CCDC192: variants seen among roughly 807,000 people sequenced by gnomAD.
CCDC192 encodes the protein coiled-coil domain-containing protein 192.
rs555147251 is a variant in CCDC192, at chr5:127,749,994, T to G, written c.115-4274T>G. Among the ~76,000 whole-genome samples, 49 of 152,012 alleles carry G rather than the reference T, an allele frequency of 3.2e-4. 1 individual carries two copies. The South Asian group carries it at 5.2e-3, about 16-fold the overall frequency. On this transcript the variant is annotated intron_variant, in intron 2 of 6. Transcript: ENST00000514853. ...TCATTTTTTATTGTGTCTATTTGATTCTTCTCTCTTTTTTTCTTTATTAGT... is the reference window on the plus strand; with the variant it reads ...TCATTTTTTATTGTGTCTATTTGATGCTTCTCTCTTTTTTTCTTTATTAGT...
In CCDC192 at chr5:127,854,410, A is replaced by G. The variant is rs139777876; in HGVS notation, c.412-21128A>G. On this transcript the variant is annotated intron_variant, in intron 5 of 6. Transcript: ENST00000514853. ...ATAAGATAATTTTGAGAGAGTCCAC[A>G]GTCACATAATTTTTATTACAATATA... Among the ~76,000 whole-genome samples the G allele has an allele frequency of 3.2e-3, 489 of 152,302 alleles. 2 individuals carry two copies. The highest frequency in any genetic ancestry group is 0.011 in the African/African-American group (459 of 41,566).
chr5:127,850,880 C>T (rs961959519), intron 5 of CCDC192, among the ~76,000 whole-genome samples: 1 of 152,174 alleles, frequency 6.6e-6, no homozygotes, highest in African/African-American at 2.4e-5. Flanking sequence ...GCAGAAGAAT[C>T]GCTTGAACCC....
chr5:127,795,289 CAAA>C (rs762627670), intron 3 of CCDC192, among the ~76,000 whole-genome samples: 323 of 76,578 alleles, frequency 4.2e-3, no homozygotes, highest in Middle Eastern at 6.8e-3. Flanking sequence ...GACTCTATCT[CAAA>C]AAAAAAAAAA....
At chr5:127,752,656 G>A (rs1409377170) in intron 2 of CCDC192, among the ~76,000 whole-genome samples, 3 of 152,138 alleles carry the variant, frequency 2.0e-5, no homozygotes, top group East Asian at 1.9e-4. Context: ...TAGAGCTTCC[G>A]GGCTGCTTTG....
rs116460179 is a variant in CCDC192 at position 127,778,172 on chromosome 5, A to G, written c.223-18931A>G. Among the ~76,000 whole-genome samples, 194 of 152,314 alleles carry G rather than the reference A, an allele frequency of 1.3e-3. 1 individual carries two copies. The highest frequency in any genetic ancestry group is 4.4e-3 in the African/African-American group (185 of 41,574). Reference sequence around the variant, plus strand: ...GTACAAGGTTGAGTAACAGTGGTGAAAGTAGACATCCTTGTCTTGTTCCTG... The same window carrying G: ...GTACAAGGTTGAGTAACAGTGGTGAGAGTAGACATCCTTGTCTTGTTCCTG... On this transcript the variant is annotated intron_variant, in intron 3 of 6. Transcript: ENST00000514853.
intron 2 of CCDC192, among the ~76,000 whole-genome samples, chr5:127,747,079 T>A (rs1043745896): frequency 6.6e-5 from 10 of 151,622 alleles, no homozygotes; most frequent in Non-Finnish European, 1.5e-4. Context: ...CTTTTTTTTT[T>A]TTATTTCTTG....
intron 6 of CCDC192, among the ~76,000 whole-genome samples, chr5:127,932,930 A>C (rs1168130351): frequency 2.0e-5 from 3 of 152,210 alleles, no homozygotes; most frequent in Non-Finnish European, 4.4e-5. Context: ...TAAGATGGCC[A>C]GGGAAGGCTT....
At chr5:127,832,335 G>A (rs990343695) in intron 5 of CCDC192, among the ~76,000 whole-genome samples, 1 of 152,138 alleles carries the variant, frequency 6.6e-6, no homozygotes, top group African/African-American at 2.4e-5. Context: ...AGGCAAACTC[G>A]GATTCGGATG....
At chr5:127,737,295 T>C (rs372116472) in intron 2 of CCDC192, among the ~76,000 whole-genome samples, 1 of 152,058 alleles carries the variant, frequency 6.6e-6, no homozygotes, top group African/African-American at 2.4e-5. Context: ...GTCTGAGAGA[T>C]AGTTTGTTAT....
chr5:127,878,629 CTTGG>C (rs1477471277), intron 6 of CCDC192, among the ~76,000 whole-genome samples: 1 of 152,212 alleles, frequency 6.6e-6, no homozygotes, highest in Non-Finnish European at 1.5e-5. Context: ...GCACTCCAGT[CTTGG>C]TGAAAGAGCA....
At chr5:127,901,568 C>T (rs1753037703) in intron 6 of CCDC192, among the ~76,000 whole-genome samples, 1 of 152,110 alleles carries the variant, frequency 6.6e-6, no homozygotes, top group Non-Finnish European at 1.5e-5. Flanking sequence ...TTAATTAAAT[C>T]ATCCCTGAGG....
chr5:127,920,407 CTTT>C (rs11388727), intron 6 of CCDC192, among the ~76,000 whole-genome samples: 1 of 115,796 alleles, frequency 8.6e-6, no homozygotes, highest in Non-Finnish European at 1.8e-5. Context: ...ACTGAAGAGG[CTTT>C]TTTTTTTTTT....
intron 2 of CCDC192, among the ~76,000 whole-genome samples, chr5:127,717,164 A>T (rs977437679): frequency 6.6e-6 from 1 of 152,174 alleles, no homozygotes; most frequent in Non-Finnish European, 1.5e-5. Context: ...CTGCTTGCAA[A>T]CTTCAGGGAA....
chr5:127,784,283 T>G (rs569270123), intron 3 of CCDC192, among the ~76,000 whole-genome samples: 2 of 152,348 alleles, frequency 1.3e-5, no homozygotes, highest in Non-Finnish European at 2.9e-5. Flanking sequence ...GCTGCCAATA[T>G]GACAAGTGCT....
chr5:127,827,884 A>G (rs1204634405), intron 5 of CCDC192, among the ~76,000 whole-genome samples: 1 of 152,064 alleles, frequency 6.6e-6, no homozygotes, highest in African/African-American at 2.4e-5. Context: ...AAGGTCAGCA[A>G]TTTCCTACCC....
At chr5:127,838,839 G>C (rs1399788690) in intron 5 of CCDC192, among the ~76,000 whole-genome samples, 1 of 152,186 alleles carries the variant, frequency 6.6e-6, no homozygotes, top group African/African-American at 2.4e-5. Context: ...TGTGTAGTCT[G>C]TACTTCAGTG....
At chr5:127,915,664 A>C (rs987346641) in intron 6 of CCDC192, among the ~76,000 whole-genome samples, 3 of 152,142 alleles carry the variant, frequency 2.0e-5, no homozygotes, top group Non-Finnish European at 4.4e-5. Context: ...TATAGGCGTG[A>C]GCCACTGCGC....
intron 5 of CCDC192, among the ~76,000 whole-genome samples, chr5:127,828,450 C>T (rs1430656737): frequency 6.6e-6 from 1 of 152,300 alleles, no homozygotes; most frequent in South Asian, 2.1e-4. Flanking sequence ...TTGCCAATTA[C>T]TGTTTTCCTG....
chr5:127,776,040 C>A (rs1755838426), intron 3 of CCDC192, among the ~76,000 whole-genome samples: 1 of 152,158 alleles, frequency 6.6e-6, no homozygotes, highest in Non-Finnish European at 1.5e-5. Context: ...AAATTGCTAC[C>A]ATTAGTGACT....
Sources: allele counts gnomAD v4.1 joint callset (sites outside exome capture counted in the v4.1 genomes callset), GRCh38; gene constraint gnomAD v4.1.1; transcripts MANE v1.5; gene names NCBI Gene and HGNC (gene_info 2026-07-23, HGNC 2026-07-21).